SLC10A1: variants seen among roughly 807,000 people sequenced by gnomAD.
SLC10A1 encodes solute carrier family 10 member 1, also known as hepatic sodium/bile acid cotransporter.
SLC10A1 carries 36 observed loss-of-function variants against 20.5 expected under a neutral mutation model. The ratio of observed to expected loss-of-function variants is 1.75; its 90% CI spans 1.34 to 2.32. SLC10A1 has a LOEUF of 2.32. Ranked by LOEUF, SLC10A1 falls within the 30% of genes most tolerant of loss-of-function variation. The pLI is 0.00. For synonymous variants in SLC10A1, 188 were observed against 163.6 expected, an observed-to-expected ratio of 1.15 and a Z score of -1.14; for missense variants, 545 against 439.1, an observed-to-expected ratio of 1.24 and a Z score of -2.16.
In SLC10A1 at chr14:69,776,374, TC is replaced by T. The variant is rs779693088; in HGVS notation, c.957del (p.Met319IlefsTer53). The T allele has an allele frequency of 6.2e-7, 1 of 1,613,914 alleles. No homozygotes were observed. On this transcript the variant is annotated frameshift_variant, in exon 5 of 5. Coordinates refer to ENST00000216540, the MANE Select transcript of SLC10A1 (RefSeq NM_003049.4). LOFTEE classifies it low-confidence loss of function (END_TRUNC). ...KFKTPKDKTK[M>X]IYTAATTEET... Reference sequence around the variant, plus strand: ...TCTTCAGTTGTGGCAGCTGTGTAGATCATTTTTGTTTTATCTGTAAAGTTAA... The same window carrying T: ...TCTTCAGTTGTGGCAGCTGTGTAGATATTTTTGTTTTATCTGTAAAGTTAA...
At chr14:69,783,353 A>G (rs918399145) in intron 2 of SLC10A1, among the ~76,000 whole-genome samples, 1 of 152,212 alleles carries the variant, frequency 6.6e-6, no homozygotes, top group Non-Finnish European at 1.5e-5. Flanking sequence ...CAGTGTAATA[A>G]TTGCTACAGG....
intron 1 of SLC10A1, among the ~76,000 whole-genome samples, chr14:69,787,672 A>G (rs1235462079): frequency 6.6e-6 from 1 of 152,230 alleles, no homozygotes; most frequent in Non-Finnish European, 1.5e-5. Flanking sequence ...ATTGTGAACT[A>G]GGTAATAGGA....
At chr14:69,776,791 C>T (rs751584041) in intron 4 of SLC10A1, among the ~76,000 whole-genome samples, 3 of 152,184 alleles carry the variant, frequency 2.0e-5, no homozygotes, top group Non-Finnish European at 2.9e-5. Context: ...AATTGATCTA[C>T]CTCTTCTTGT....
chr14:69,795,917 T>G (rs1882379048), intron 1 of SLC10A1, among the ~76,000 whole-genome samples: 1 of 152,188 alleles, frequency 6.6e-6, no homozygotes, highest in African/African-American at 2.4e-5. Flanking sequence ...GGGGACTGGC[T>G]TGAGACTGAG....
intron 2 of SLC10A1, among the ~76,000 whole-genome samples, chr14:69,784,663 G>A (rs1883671057): frequency 6.6e-6 from 1 of 152,152 alleles, no homozygotes; most frequent in Non-Finnish European, 1.5e-5. Context: ...GAAGATAGAA[G>A]ATATGTGAGT....
intron 2 of SLC10A1, among the ~76,000 whole-genome samples, chr14:69,785,546 A>G (rs1307099840): frequency 6.7e-6 from 1 of 149,586 alleles, no homozygotes; most frequent in Non-Finnish European, 1.5e-5. Context: ...GTACACTGGA[A>G]TTGGATCTTG....
At chr14:69,785,796 A>G (rs10145650) in intron 2 of SLC10A1, among the ~76,000 whole-genome samples, 4,964 of 143,274 alleles carry the variant, frequency 0.035, 308 homozygotes, top group African/African-American at 0.12. Context: ...TTTAATGGAG[A>G]CGGGGTTTCG....
intron 2 of SLC10A1, 55 bp downstream of exon 2, chr14:69,786,042 G>A: frequency 1.6e-6 from 2 of 1,214,546 alleles, no homozygotes; most frequent in South Asian, 1.2e-5. Context: ...TCTTATAGTT[G>A]TATATGGTGT....
intron 4 of SLC10A1, among the ~76,000 whole-genome samples, chr14:69,777,566 T>TTTGAATG (rs1883474092): frequency 6.7e-6 from 1 of 148,432 alleles, no homozygotes; most frequent in Non-Finnish European, 1.5e-5. Context: ...ATAAAGTGGG[T>TTTGAATG]TTGAATGTCC....
chr14:69,788,525 T>G (rs923138826), intron 1 of SLC10A1, among the ~76,000 whole-genome samples: 32 of 151,924 alleles, frequency 2.1e-4, no homozygotes, highest in Admixed American at 2.0e-3. Flanking sequence ...GGGTCTAATA[T>G]TCAGAATATA....
chr14:69,793,419 T>G (rs956929993), intron 1 of SLC10A1, among the ~76,000 whole-genome samples: 3 of 151,690 alleles, frequency 2.0e-5, no homozygotes. Flanking sequence ...GGGGCACATT[T>G]GTTTTTTTTA....
In SLC10A1 at chr14:69,797,114, C is replaced by T; in HGVS notation, c.42G>A (p.Leu14=). The T allele has an allele frequency of 1.9e-6, 3 of 1,613,864 alleles. No homozygotes were observed. Among genetic ancestry groups the T allele is most frequent in the East Asian group, 2.2e-5 (1 of 44,884 alleles). The change falls in exon 1 of 5, where the codon CTG becomes CTA. Residue 14 remains leucine (L), a synonymous_variant. Coordinates refer to ENST00000216540, the MANE Select transcript of SLC10A1 (RefSeq NM_003049.4). The part of the protein sequence containing the change: ...HNASAPFNFT[L]PPNFGKRPTD... ...TGGGGCGCTTGCCAAAGTTGGGTGG[C>T]AGGGTGAAGTTGAATGGGGCAGACG...
At chr14:69,777,119 C>T (rs543385667) in intron 4 of SLC10A1, among the ~76,000 whole-genome samples, 1 of 152,302 alleles carries the variant, frequency 6.6e-6, no homozygotes, top group African/African-American at 2.4e-5. Context: ...GGTACTAAAA[C>T]CTCAAATCTG....
At chr14:69,785,984 G>A (rs1883702137) in intron 2 of SLC10A1, 113 bp downstream of exon 2, 1 of 756,772 alleles carries the variant, frequency 1.3e-6, no homozygotes, top group Admixed American at 2.4e-5. Flanking sequence ...ATAAAACTTA[G>A]CATCTAGTAG....
At chr14:69,788,027 TAAAA>T (rs143708210) in intron 1 of SLC10A1, among the ~76,000 whole-genome samples, 2 of 149,652 alleles carry the variant, frequency 1.3e-5, no homozygotes, top group Non-Finnish European at 3.0e-5. Context: ...GCCACTCCAC[TAAAA>T]AAAAAGGTGC....
intron 2 of SLC10A1, among the ~76,000 whole-genome samples, chr14:69,782,985 A>G (rs1429402148): frequency 2.0e-5 from 3 of 152,216 alleles, no homozygotes. Flanking sequence ...GCAGAGTAGC[A>G]TTAAATGATA....
At chr14:69,776,664 A>G (rs115677626) in intron 4 of SLC10A1, among the ~76,000 whole-genome samples, 4,532 of 152,282 alleles carry the variant, frequency 0.03, 207 homozygotes, top group African/African-American at 0.1. Flanking sequence ...GTAAAACAAC[A>G]GGAGATGAGT....
At position 69,778,325 on chromosome 14, in the gene SLC10A1, G is replaced by A. The variant is rs1309047751; in HGVS notation, c.943+8C>T. On this transcript the variant is annotated splice_region_variant and intron_variant, in intron 4 of 4. Transcript: ENST00000216540. ...AGAACTTGAAGTGGGGATAATTTCA[G>A]TACTCACCCTTGGGAGTCTTGAATT... 2 of 1,583,972 alleles carry A rather than the reference G, an allele frequency of 1.3e-6. No homozygotes were observed. The highest frequency in any genetic ancestry group is 4.5e-5 in the East Asian group (2 of 44,712).
intron 1 of SLC10A1, among the ~76,000 whole-genome samples, chr14:69,787,305 G>GGGA (rs1270332352): frequency 6.6e-6 from 1 of 152,192 alleles, no homozygotes. Flanking sequence ...ACCCTGTCTA[G>GGGA]GGAGAGGCCC....
Sources: allele counts gnomAD v4.1 joint callset (sites outside exome capture counted in the v4.1 genomes callset), GRCh38; gene constraint gnomAD v4.1.1; transcripts MANE v1.5; gene names NCBI Gene and HGNC (gene_info 2026-07-23, HGNC 2026-07-21).